CCSER1: variants seen among roughly 807,000 people sequenced by gnomAD.
CCSER1 encodes coiled-coil serine rich protein 1.
CCSER1 carries 41 observed loss-of-function variants against 82.0 expected under a neutral mutation model. That is an observed-to-expected ratio of 0.50 (90% CI 0.39 to 0.65). The LOEUF (loss-of-function observed/expected upper bound fraction) is 0.65. Ranked by LOEUF, CCSER1 falls within the 30% of genes least tolerant of loss-of-function variation. CCSER1 has a pLI of 0.00. For synonymous variants in CCSER1, 414 were observed against 383.9 expected, an observed-to-expected ratio of 1.08 and a Z score of -0.92; for missense variants, 1,119 against 1,064.2, an observed-to-expected ratio of 1.05 and a Z score of -0.72.
At chr4:90,294,144 A>G (rs1731427245) in intron 1 of CCSER1, among the ~76,000 whole-genome samples, 1 of 152,060 alleles carries the variant, frequency 6.6e-6, no homozygotes, top group Non-Finnish European at 1.5e-5. Context: ...AGTTGATCCC[A>G]ATTTATAAAC....
intron 10 of CCSER1, among the ~76,000 whole-genome samples, chr4:91,335,033 T>C (rs952816065): frequency 1.4e-4 from 22 of 152,074 alleles, no homozygotes; most frequent in African/African-American, 5.3e-4. Flanking sequence ...CTACTGTTAT[T>C]CTGAGTAAAA....
At chr4:90,957,055 G>A (rs1293788653) in intron 9 of CCSER1, among the ~76,000 whole-genome samples, 1 of 147,324 alleles carries the variant, frequency 6.8e-6, no homozygotes, top group African/African-American at 2.5e-5. Context: ...TAGGATTACA[G>A]GCATGAATCA....
intron 6 of CCSER1, among the ~76,000 whole-genome samples, chr4:90,703,665 G>C (rs891419891): frequency 6.6e-6 from 1 of 152,070 alleles, no homozygotes; most frequent in East Asian, 1.9e-4. Flanking sequence ...TCCTGTATTG[G>C]GTTCATATGT....
intron 7 of CCSER1, among the ~76,000 whole-genome samples, chr4:90,765,321 T>G (rs1025259375): frequency 3.9e-5 from 6 of 152,150 alleles, no homozygotes; most frequent in Admixed American, 2.0e-4. Context: ...AATGCACTTA[T>G]TAACGATGCA....
At chr4:91,087,002 G>C (rs557913303) in intron 10 of CCSER1, among the ~76,000 whole-genome samples, 1 of 152,082 alleles carries the variant, frequency 6.6e-6, no homozygotes, top group African/African-American at 2.4e-5. Context: ...TTGTAGGAGA[G>C]CAAGATGATA....
intron 10 of CCSER1, among the ~76,000 whole-genome samples, chr4:91,340,520 T>A (rs1747642740): frequency 1.3e-5 from 2 of 152,172 alleles, no homozygotes. Flanking sequence ...TTTATGGGCT[T>A]TTTTGTTAAG....
intron 5 of CCSER1, among the ~76,000 whole-genome samples, chr4:90,603,837 A>C (rs1784311536): frequency 6.6e-6 from 1 of 152,144 alleles, no homozygotes; most frequent in African/African-American, 2.4e-5. Flanking sequence ...ATGATTTAGA[A>C]GCACAAGTTA....
chr4:91,442,148 G>A (rs1463490192), intron 10 of CCSER1, among the ~76,000 whole-genome samples: 1 of 151,370 alleles, frequency 6.6e-6, no homozygotes, highest in Non-Finnish European at 1.5e-5. Flanking sequence ...AACCAAAAAA[G>A]AGCCCACATC....
At chr4:91,490,117 A>G (rs954766336) in intron 10 of CCSER1, among the ~76,000 whole-genome samples, 13 of 152,178 alleles carry the variant, frequency 8.5e-5, no homozygotes, top group African/African-American at 2.7e-4. Flanking sequence ...TGTGGAGAAA[A>G]GGGAGCCTTC....
intron 5 of CCSER1, among the ~76,000 whole-genome samples, chr4:90,526,903 G>C (rs1443020791): frequency 6.6e-6 from 1 of 152,078 alleles, no homozygotes; most frequent in South Asian, 2.1e-4. Context: ...GGGATTGCTG[G>C]GTCAAATGGT....
chr4:90,551,706 CTATATATATA>C (rs1553940962), intron 5 of CCSER1, among the ~76,000 whole-genome samples: 3 of 104,224 alleles, frequency 2.9e-5, no homozygotes, highest in Admixed American at 1.1e-4. Flanking sequence ...CTCTCTCTCT[CTATATATATA>C]TATATATATA....
At chr4:90,534,480 T>A (rs1033056849) in intron 5 of CCSER1, among the ~76,000 whole-genome samples, 2 of 147,596 alleles carry the variant, frequency 1.4e-5, no homozygotes, top group African/African-American at 2.5e-5. Flanking sequence ...TGTGTGTGTG[T>A]GTGTGTGTGA....
At chr4:90,872,543 G>A (rs1399368797) in intron 8 of CCSER1, among the ~76,000 whole-genome samples, 1 of 151,616 alleles carries the variant, frequency 6.6e-6, no homozygotes, top group African/African-American at 2.4e-5. Context: ...ACTTTTTGTT[G>A]CTTTTATTTA....
At chr4:90,377,888 G>A (rs1748614424) in intron 3 of CCSER1, among the ~76,000 whole-genome samples, 1 of 152,028 alleles carries the variant, frequency 6.6e-6, no homozygotes, top group Admixed American at 6.6e-5. Context: ...TAAAAAATGT[G>A]TTTTTATTAT....
chr4:91,411,525 T>TAA (rs1560650594), intron 10 of CCSER1, among the ~76,000 whole-genome samples: 1 of 129,548 alleles, frequency 7.7e-6, no homozygotes, highest in South Asian at 2.4e-4. Context: ...TATATATATA[T>TAA]AAAATCTTGA....
rs150517095 is a variant in CCSER1 at position 90,867,060 on chromosome 4, G to A, written c.2094+51215G>A. ...GGATTGAGGATCGCTAATCTAGGGC[G>A]TTTAATTAGCTGAATTACTTCTATT... On this transcript the variant is annotated intron_variant, in intron 8 of 10. Transcript: ENST00000509176. Among the ~76,000 whole-genome samples the A allele has an allele frequency of 3.8e-3, 576 of 152,096 alleles. 3 individuals carry two copies. The highest frequency in any genetic ancestry group is 0.013 in the African/African-American group (556 of 41,508).
intron 1 of CCSER1, among the ~76,000 whole-genome samples, chr4:90,259,782 C>T (rs1723981436): frequency 6.6e-6 from 1 of 152,054 alleles, no homozygotes; most frequent in South Asian, 2.1e-4. Context: ...GTATGTTAAA[C>T]CATCCCTGCA....
chr4:90,942,117 T>G (rs1731665121), intron 9 of CCSER1, among the ~76,000 whole-genome samples: 1 of 151,980 alleles, frequency 6.6e-6, no homozygotes, highest in South Asian at 2.1e-4. Flanking sequence ...TCAGCTCATT[T>G]TTTTGTATTT....
chr4:90,483,314 G>A (rs1437195159), intron 5 of CCSER1, among the ~76,000 whole-genome samples: 5 of 152,266 alleles, frequency 3.3e-5, no homozygotes, highest in Admixed American at 2.0e-4. Context: ...AATGGGTCTT[G>A]ACTCTTTATC....
Sources: allele counts gnomAD v4.1 joint callset (sites outside exome capture counted in the v4.1 genomes callset), GRCh38; gene constraint gnomAD v4.1.1; transcripts MANE v1.5; gene names NCBI Gene and HGNC (gene_info 2026-07-23, HGNC 2026-07-21).